SLCO3A1: variants seen among roughly 807,000 people sequenced by gnomAD.
SLCO3A1 encodes PGE1 transporter.
In SLCO3A1, 27 loss-of-function variants were observed where a neutral mutation model predicts 63.1. The observed-to-expected ratio is 0.43, with a 90% confidence interval of 0.32 to 0.59. SLCO3A1 has a LOEUF of 0.59. Ranked by LOEUF, SLCO3A1 falls within the 20% of genes least tolerant of loss-of-function variation. The probability of loss-of-function intolerance (pLI) is 0.09; values close to 1 mark genes in which losing one functional copy is unlikely to be tolerated. For synonymous variants in SLCO3A1, 473 were observed against 409.9 expected (o/e 1.15, Z -1.86); for missense variants, 773 against 945.8 (o/e 0.82, Z 2.40).
At chr15:92,058,691 G>C (rs1484316941) in intron 2 of SLCO3A1, among the ~76,000 whole-genome samples, 1 of 152,170 alleles carries the variant, frequency 6.6e-6, no homozygotes, top group Non-Finnish European at 1.5e-5. Context: ...ACCATAAACT[G>C]GGTGGCTCAA....
chr15:92,095,595 G>A (rs1001543411), intron 3 of SLCO3A1, among the ~76,000 whole-genome samples: 4 of 152,234 alleles, frequency 2.6e-5, no homozygotes, highest in African/African-American at 9.6e-5. Context: ...ATGATTGTGG[G>A]ATTGAATGGG....
At position 91,942,454 on chromosome 15, in the gene SLCO3A1, T is replaced by C. The variant is rs1015861751; in HGVS notation, c.646+25996T>C. Among the ~76,000 whole-genome samples, 1 of 152,220 alleles carries C rather than the reference T, an allele frequency of 6.6e-6. No homozygotes were observed. Among genetic ancestry groups the C allele is most frequent in the Admixed American group, 6.5e-5 (1 of 15,280 alleles). Reference sequence around the variant, plus strand: ...TGGCACAACTGCAGGGGGCACCATGTAGAGACCGTAGTTGGATGTGGCCTG... The same window carrying C: ...TGGCACAACTGCAGGGGGCACCATGCAGAGACCGTAGTTGGATGTGGCCTG... On this transcript the variant is annotated intron_variant, in intron 2 of 9. Transcript: ENST00000318445. The surrounding 1 kb of genome is among the most constrained non-coding windows in gnomAD (Gnocchi z 4.1).
At chr15:92,132,216 AT>A (rs2151572242) in intron 7 of SLCO3A1, among the ~76,000 whole-genome samples, 1 of 146,132 alleles carries the variant, frequency 6.8e-6, no homozygotes, top group African/African-American at 2.5e-5. Context: ...AGACGTGAAA[AT>A]TCCCCATAAC....
chr15:91,976,714 G>A (rs181284574), intron 2 of SLCO3A1, among the ~76,000 whole-genome samples: 16 of 152,214 alleles, frequency 1.1e-4, no homozygotes, highest in South Asian at 4.1e-4. Context: ...AAAGTTGGGC[G>A]TCCGGGGGAG....
At chr15:92,050,509 C>T (rs981507671) in intron 2 of SLCO3A1, among the ~76,000 whole-genome samples, 3 of 152,174 alleles carry the variant, frequency 2.0e-5, no homozygotes, top group African/African-American at 4.8e-5. Context: ...CTGGTATGGT[C>T]GGAAGTGGAT....
rs565501131 is a variant in SLCO3A1, at chr15:92,165,398, A to G, written c.*2263A>G. ...GATTTTGGTTTAGTTTTGCAAATAT[A>G]TTGCTAATAGGTCACTCTTATAGAT... On this transcript the variant is annotated 3_prime_UTR_variant, in exon 10 of 10. Transcript: ENST00000318445. 5.7e-5 allele frequency: 56 copies of G among 985,260 alleles called. No individual in the cohort carries two copies. Among genetic ancestry groups the G allele is most frequent in the Non-Finnish European group, 6.1e-5 (51 of 829,840 alleles). The allele number at this position is 985,260 out of a possible 1,614,324, so 61.0% of individuals were successfully genotyped here. A position where few individuals can be genotyped will look rare whatever the true frequency, so the allele number is the denominator to read the frequency against.
Position 91,875,504 on chromosome 15 carries a change from G to A in SLCO3A1, c.180+21416G>A, listed in dbSNP as rs965411902. The stretch of plus-strand genomic sequence containing the variant: ...GTAAACCTAGGTTGGTTCCTCCCCC[G>A]TCAGTTGGAGATGATTAAAGTACCT... On this transcript the variant is annotated intron_variant, in intron 1 of 9. Transcript: ENST00000318445. This position sits in a 1 kb window ranked among gnomAD's most constrained non-coding sequence, Gnocchi z 4.5. 6.6e-6 allele frequency among the ~76,000 whole-genome samples: 1 copy of A among 152,166 alleles called. No individual in the cohort carries two copies. The highest frequency in any genetic ancestry group is 1.9e-4 in the East Asian group (1 of 5,188).
At chr15:92,009,767 A>G (rs369082904) in intron 2 of SLCO3A1, among the ~76,000 whole-genome samples, 9 of 152,222 alleles carry the variant, frequency 5.9e-5, no homozygotes, top group African/African-American at 1.7e-4. Flanking sequence ...TGGAGTTGTA[A>G]TGAGGACCAA....
chr15:92,105,855 A>T (rs150963084), intron 4 of SLCO3A1, among the ~76,000 whole-genome samples: 151 of 152,316 alleles, frequency 9.9e-4, no homozygotes, highest in African/African-American at 3.4e-3. Context: ...CCTGTGCTTT[A>T]TTTAGACATT....
rs1281523660 is a variant in SLCO3A1, at chr15:91,882,734, C to A, written c.180+28646C>A. Among the ~76,000 whole-genome samples, 2 of 152,190 alleles carry A rather than the reference C, an allele frequency of 1.3e-5. No homozygotes were observed. The highest frequency in any genetic ancestry group is 2.9e-5 in the Non-Finnish European group (2 of 68,032). ...ACAGGGTTTCACCATGTTGGCCAGG[C>A]TGGTCTCGAACTCCTGACCTCAGGT... On this transcript the variant is annotated intron_variant, in intron 1 of 9. Coordinates refer to ENST00000318445, the MANE Select transcript of SLCO3A1 (RefSeq NM_013272.4). This position sits in a 1 kb window ranked among gnomAD's most constrained non-coding sequence, Gnocchi z 4.4.
intron 2 of SLCO3A1, among the ~76,000 whole-genome samples, chr15:92,081,634 C>T (rs1596083142): frequency 6.6e-6 from 1 of 152,216 alleles, no homozygotes; most frequent in African/African-American, 2.4e-5. Flanking sequence ...TCCCAAAGTC[C>T]TGGGATTACA....
In SLCO3A1 at chr15:91,860,224, T is replaced by C. The variant is rs1198680420; in HGVS notation, c.180+6136T>C. On this transcript the variant is annotated intron_variant, in intron 1 of 9. Coordinates refer to ENST00000318445, the MANE Select transcript of SLCO3A1 (RefSeq NM_013272.4). This position sits in a 1 kb window ranked among gnomAD's most constrained non-coding sequence, Gnocchi z 5.5. ...CCTCAGTATCTCTTGCTGTGGTCTG[T>C]GGCCACTGGGTGCTGAAGGCTGAGG... Among the ~76,000 whole-genome samples, 1 of 152,132 alleles carries C rather than the reference T, an allele frequency of 6.6e-6. No individual in the cohort carries two copies. The highest frequency in any genetic ancestry group is 1.9e-4 in the East Asian group (1 of 5,200).
At chr15:92,108,419 C>T (rs1200297570) in intron 4 of SLCO3A1, among the ~76,000 whole-genome samples, 3 of 152,220 alleles carry the variant, frequency 2.0e-5, no homozygotes, top group African/African-American at 4.8e-5. Flanking sequence ...CCTCCCCTTT[C>T]CTACATGGTA....
chr15:92,172,095 G>C (rs187154904), exon 11 of SLCO3A1: 1 of 474,876 alleles, frequency 2.1e-6, no homozygotes, highest in Admixed American at 3.5e-5. Context: ...TCTTTCCTGG[G>C]TCTCTAAAGA....
intron 2 of SLCO3A1, among the ~76,000 whole-genome samples, chr15:92,092,559 G>A (rs967582354): frequency 4.6e-5 from 7 of 152,042 alleles, no homozygotes; most frequent in African/African-American, 1.7e-4. Flanking sequence ...CCTGCAGCCT[G>A]GATGGGAGGA....
At chr15:92,172,045 T>C (rs909846985) in exon 11 of SLCO3A1, 7 of 589,016 alleles carry the variant, frequency 1.2e-5, no homozygotes, top group Non-Finnish European at 2.1e-5. Flanking sequence ...AAGAGGTGAC[T>C]TATGGTCAGG....
intron 2 of SLCO3A1, among the ~76,000 whole-genome samples, chr15:91,920,367 G>A (rs1486499586): frequency 6.6e-6 from 1 of 152,218 alleles, no homozygotes; most frequent in Non-Finnish European, 1.5e-5. Flanking sequence ...TGCAGCAGGA[G>A]CCAGGAAGGT....
At position 92,056,982 on chromosome 15, in the gene SLCO3A1, C is replaced by T. The variant is rs547377042; in HGVS notation, c.647-37899C>T. 4.6e-5 allele frequency among the ~76,000 whole-genome samples: 7 copies of T among 152,338 alleles called. No individual in the cohort carries two copies. In the South Asian group the frequency reaches 1.2e-3, roughly 27 times the overall value. ...ACAAACATCATGTCAGTTTCTCCCT[C>T]CTGCCAGAAAATACATTCCCAAACA... On this transcript the variant is annotated intron_variant, in intron 2 of 9. Transcript: ENST00000318445.
chr15:92,002,870 A>G (rs2046271692), intron 2 of SLCO3A1, among the ~76,000 whole-genome samples: 1 of 152,220 alleles, frequency 6.6e-6, no homozygotes, highest in South Asian at 2.1e-4. Flanking sequence ...GACTCAGTAT[A>G]GGATCATTTA....
Sources: allele counts gnomAD v4.1 joint callset (sites outside exome capture counted in the v4.1 genomes callset), GRCh38; gene constraint gnomAD v4.1.1; non-coding constraint Gnocchi (gnomAD v3.1); transcripts MANE v1.5; gene names NCBI Gene and HGNC (gene_info 2026-07-23, HGNC 2026-07-21).